SCN9A: variants seen among roughly 807,000 people sequenced by gnomAD.
SCN9A encodes the protein sodium voltage-gated channel alpha subunit 9.
A neutral mutation model predicts 187.0 loss-of-function variants in SCN9A; 131 were observed. The observed-to-expected ratio is 0.70, with a 90% CI of 0.61 to 0.81. SCN9A has a LOEUF of 0.81. Ranked by LOEUF, SCN9A falls within the 30% of genes least tolerant of loss-of-function variation. SCN9A has a pLI of 0.00. For missense variants in SCN9A, 2,252 were observed against 2,396.6 expected (o/e 0.94, Z 1.26); for synonymous variants, 809 against 808.6 (o/e 1.00, Z -0.01).
At chr2:166,287,133 G>A (rs1012432044) in intron 10 of SCN9A, among the ~76,000 whole-genome samples, 14 of 152,014 alleles carry the variant, frequency 9.2e-5, no homozygotes, top group Non-Finnish European at 2.9e-5. Flanking sequence ...AATTCCCTAG[G>A]TAGTACCTGG....
At chr2:166,206,307 A>G (rs1693802242) in intron 24 of SCN9A, among the ~76,000 whole-genome samples, 1 of 152,224 alleles carries the variant, frequency 6.6e-6, no homozygotes, top group African/African-American at 2.4e-5. Context: ...AATGTGGCAT[A>G]TATACACCAT....
intron 1 of SCN9A, among the ~76,000 whole-genome samples, chr2:166,340,366 G>C (rs1699733892): frequency 6.6e-6 from 1 of 152,042 alleles, no homozygotes. Context: ...TTTTCACTCA[G>C]TTTTACTTTC....
At chr2:166,208,740 G>C (rs529986959) in intron 24 of SCN9A, among the ~76,000 whole-genome samples, 12 of 152,300 alleles carry the variant, frequency 7.9e-5, no homozygotes, top group African/African-American at 2.6e-4. Context: ...GTAGTTGATA[G>C]AGCCATAAGC....
intron 1 of SCN9A, among the ~76,000 whole-genome samples, chr2:166,338,220 A>G (rs1433839891): frequency 1.3e-5 from 2 of 152,134 alleles, no homozygotes; most frequent in East Asian, 3.9e-4. Context: ...CTTGTCTCAC[A>G]TGAACCCTTA....
chr2:166,361,270 T>A (rs1700277611), intron 1 of SCN9A, among the ~76,000 whole-genome samples: 1 of 152,164 alleles, frequency 6.6e-6, no homozygotes, highest in African/African-American at 2.4e-5. Context: ...TACCTAAAGC[T>A]AATGTTCTTA....
intron 17 of SCN9A, among the ~76,000 whole-genome samples, chr2:166,270,516 A>G (rs1696929190): frequency 6.6e-6 from 1 of 151,936 alleles, no homozygotes; most frequent in Non-Finnish European, 1.5e-5. Flanking sequence ...CTACATAGAA[A>G]CATATATCAT....
rs1418855343 is a variant in SCN9A at position 166,268,140 on chromosome 2, T to G, written c.3351+4259A>C. Reference sequence around the variant, plus strand: ...GAGCACTTTTCAATAAGCATTTGTCTAATTATTTATGAGAATCATATAATC... The same window carrying G: ...GAGCACTTTTCAATAAGCATTTGTCGAATTATTTATGAGAATCATATAATC... On this transcript the variant is annotated intron_variant, in intron 17 of 26. Coordinates refer to ENST00000642356, the MANE Select transcript of SCN9A (RefSeq NM_001365536.1). Among the ~76,000 whole-genome samples, 6 of 152,128 alleles carry G rather than the reference T, an allele frequency of 3.9e-5. No homozygotes were observed. The East Asian group carries it at 1.2e-3, about 29-fold the overall frequency.
At position 166,365,266 on chromosome 2, in the gene SCN9A, A is replaced by G. The variant is rs1378945660; in HGVS notation, c.-51+10431T>C. ...TTTACATATACATAAATAGTAAATC[A>G]GTACATAAATACATATACATGCATG... On this transcript the variant is annotated intron_variant, in intron 1 of 26. Coordinates refer to ENST00000642356, the MANE Select transcript of SCN9A (RefSeq NM_001365536.1). Among the ~76,000 whole-genome samples the G allele has an allele frequency of 1.3e-5, 2 of 152,232 alleles. 1 individual carries two copies. The highest frequency in any genetic ancestry group is 6.3e-3 in the Middle Eastern group (2 of 316).
chr2:166,220,652 A>G (rs1345972477), intron 24 of SCN9A, among the ~76,000 whole-genome samples: 3 of 152,318 alleles, frequency 2.0e-5, no homozygotes, highest in African/African-American at 7.2e-5. Flanking sequence ...ATGGATGAGA[A>G]CAGAGGAAAT....
rs200155076 is a variant in SCN9A, at chr2:166,272,736, G to A, written c.3014C>T (p.Thr1005Ile). The A allele has an allele frequency of 6.3e-7, 1 of 1,575,834 alleles. No homozygotes were observed. The highest frequency in any genetic ancestry group is 8.6e-7 in the Non-Finnish European group (1 of 1,163,232). The change falls in exon 17 of 27, where the codon ACC becomes ATC. Residue 1005 changes from threonine to isoleucine, a missense_variant. Thr to Ile is a moderately conservative substitution (Grantham distance 89, BLOSUM62 -1). Transcript: ENST00000642356. The stretch of plus-strand genomic sequence containing the variant: ...TGCTTTTAGAATAAATTCACGTAAG[G>A]TTTGTTTCACATAATTTATTCCCTT... ...IKKGINYVKQ[T>I]LREFILKAFS...
intron 1 of SCN9A, among the ~76,000 whole-genome samples, chr2:166,332,727 G>T (rs1005376149): frequency 6.6e-6 from 1 of 151,736 alleles, no homozygotes; most frequent in Non-Finnish European, 1.5e-5. Context: ...GACTAAGTCC[G>T]TCCTTAAAAT....
chr2:166,338,439 C>T (rs527866121), intron 1 of SCN9A, among the ~76,000 whole-genome samples: 1 of 152,062 alleles, frequency 6.6e-6, no homozygotes, highest in East Asian at 1.9e-4. Context: ...CAGTTCTATA[C>T]TTATGCTATT....
intron 17 of SCN9A, among the ~76,000 whole-genome samples, chr2:166,257,266 G>A (rs1696319526): frequency 6.6e-6 from 1 of 151,522 alleles, no homozygotes; most frequent in Non-Finnish European, 1.5e-5. Flanking sequence ...AGAAGGATTG[G>A]AACCTTAGCA....
intron 21 of SCN9A, among the ~76,000 whole-genome samples, chr2:166,229,355 AAAAG>A (rs1467278526): frequency 6.8e-6 from 1 of 145,994 alleles, no homozygotes; most frequent in Non-Finnish European, 1.5e-5. Context: ...CTCTGGAAAA[AAAAG>A]AAATGTATAA....
At chr2:166,370,432 T>C (rs1700531019) in intron 1 of SCN9A, among the ~76,000 whole-genome samples, 1 of 151,426 alleles carries the variant, frequency 6.6e-6, no homozygotes, top group Non-Finnish European at 1.5e-5. Flanking sequence ...TAGTCCCAGC[T>C]ACTCGGAGGC....
chr2:166,332,246 A>G (rs552555197), intron 1 of SCN9A, among the ~76,000 whole-genome samples: 3 of 152,286 alleles, frequency 2.0e-5, no homozygotes, highest in African/African-American at 7.2e-5. Flanking sequence ...TGGGTCTGCC[A>G]AACAGCCTCT....
chr2:166,257,611 A>C (rs1330502311), intron 17 of SCN9A, among the ~76,000 whole-genome samples: 1 of 151,594 alleles, frequency 6.6e-6, no homozygotes, highest in Non-Finnish European at 1.5e-5. Flanking sequence ...TTTTTTCTTA[A>C]GAGGATGACC....
chr2:166,370,235 A>AATAATCATCATCATCATC (rs1553507745), intron 1 of SCN9A, among the ~76,000 whole-genome samples: 1 of 137,182 alleles, frequency 7.3e-6, no homozygotes. Flanking sequence ...TAATAATAAT[A>AATAATCATCATCATCATC]ATCATCATCA....
At chr2:166,365,409 T>A (rs1464949988) in intron 1 of SCN9A, among the ~76,000 whole-genome samples, 1 of 152,042 alleles carries the variant, frequency 6.6e-6, no homozygotes, top group Non-Finnish European at 1.5e-5. Context: ...CAGAAAGAGA[T>A]CCAGTTAAAA....
Sources: gnomAD v4.1 joint callset for allele counts (sites outside exome capture counted in the v4.1 genomes callset) on GRCh38, gnomAD v4.1.1 for gene constraint, MANE v1.5 for transcripts, NCBI Gene and HGNC (gene_info 2026-07-23, HGNC 2026-07-21) for gene names.